CSPG4: variants seen among roughly 807,000 people sequenced by gnomAD.
CSPG4 encodes the protein chondroitin sulfate proteoglycan 4 (melanoma-associated).
A neutral mutation model predicts 139.3 loss-of-function variants in CSPG4; 74 were observed. That is an observed-to-expected ratio of 0.53 (90% confidence interval 0.44 to 0.64). The LOEUF is 0.64. CSPG4 is among the 30% of genes least tolerant of loss of function. The probability of loss-of-function intolerance (pLI) is 0.00; values close to 1 mark genes in which losing one functional copy is unlikely to be tolerated. For missense variants in CSPG4, 2,565 were observed against 3,148.3 expected (o/e 0.81, Z 4.43); for synonymous variants, 1,234 against 1,394.2 (o/e 0.89, Z 2.56).
chr15:75,708,570 C>A (rs1355214877), intron 1 of CSPG4, among the ~76,000 whole-genome samples: 1 of 152,132 alleles, frequency 6.6e-6, no homozygotes, highest in African/African-American at 2.4e-5. Context: ...CTCTCTCTTT[C>A]CCCTGCTGGG....
intron 5 of CSPG4, among the ~76,000 whole-genome samples, 154 bp from the exon 6 acceptor site, chr15:75,683,195 G>A (rs1032554571): frequency 1.3e-5 from 2 of 152,162 alleles, no homozygotes; most frequent in African/African-American, 2.4e-5. Flanking sequence ...TGCACAAAGG[G>A]CCTCCCGCAT....
chr15:75,701,782 C>T (rs918063415), intron 1 of CSPG4, among the ~76,000 whole-genome samples: 57 of 152,192 alleles, frequency 3.7e-4, no homozygotes, highest in African/African-American at 1.3e-3. Flanking sequence ...CCCAACCCCA[C>T]CCAAAGCAAG....
At chr15:75,704,688 C>A (rs970210959) in intron 1 of CSPG4, among the ~76,000 whole-genome samples, 2 of 152,162 alleles carry the variant, frequency 1.3e-5, no homozygotes, top group Admixed American at 6.5e-5. Flanking sequence ...GAGCTGTGCA[C>A]CCCACTCTGC....
chr15:75,682,455 G>C lies in CSPG4; in HGVS notation c.4788C>G (p.Ser1596=), dbSNP rs767985038. ...GGGTCTGACTGCTGAGTGGCTGGAC[G>C]GACCCTGCCAGAGGCAAAAGGGGAT... ...GSQTLTVCPG[S]VQPLSSQTLR... Residue 1596 remains serine, a synonymous_variant, in exon 8 of 10, where the codon TCC becomes TCG. Transcript: ENST00000308508. 2.0e-5 allele frequency: 31 copies of C among 1,579,300 alleles called. No individual in the cohort carries two copies. Among genetic ancestry groups the C allele is most frequent in the Non-Finnish European group, 2.7e-5 (31 of 1,168,478 alleles).
chr15:75,688,061 C>G lies in CSPG4; in HGVS notation c.3004G>C (p.Glu1002Gln). Residue 1002 changes from glutamate to glutamine, a missense_variant, in exon 3 of 10, where the codon GAG becomes CAG. By Grantham distance (29) the Glu-to-Gln change is conservative (BLOSUM62 2). Transcript: ENST00000308508. ...GESSGDMAWE[E>Q]VRGVFRVAIQ... ...GCCACTCGGAAGACACCCCGTACCT[C>G]CTCCCAGGCCATGTCACCACTGCTC... The G allele has an allele frequency of 1.2e-6, 2 of 1,612,732 alleles. No individual in the cohort carries two copies. The highest frequency in any genetic ancestry group is 2.2e-5 in the South Asian group (2 of 91,048).
chr15:75,690,478 A>C lies in CSPG4; in HGVS notation c.587T>G (p.Phe196Cys), dbSNP rs754000422. 1.2e-5 allele frequency: 20 copies of C among 1,607,716 alleles called. No homozygotes were observed. Among genetic ancestry groups the C allele is most frequent in the Non-Finnish European group, 1.6e-5 (19 of 1,177,602 alleles). Residue 196 changes from phenylalanine to cysteine, a missense_variant, in exon 3 of 10, where the codon TTT (phenylalanine) becomes TGT (cysteine). By Grantham distance (205) the Phe-to-Cys change is radical. Around this residue, in one of 5 missense-constraint regions of CSPG4, gnomAD observed 40 missense variants for 89.0 expected, o/e 0.45. Coordinates refer to ENST00000308508, the MANE Select transcript of CSPG4 (RefSeq NM_001897.5). Reference protein sequence around the residue: ...PDVHEGCAEEFSASDDVALGF... With the variant: ...PDVHEGCAEECSASDDVALGF... ...CAGGGCCACATCATCACTGGCAGAA[A>C]ACTCTTCAGCACAGCCCTCATGCAC...
Position 75,674,854 on chromosome 15 carries a change from C to A in CSPG4, c.*696G>T. On this transcript the variant is annotated 3_prime_UTR_variant, in exon 10 of 10. Transcript: ENST00000308508. Reference sequence around the variant, plus strand: ...TGCAGACCCTCCTCCATCCCACACCCCCAGGGGCTCCATCAGTCCTGGCTA... The same window carrying A: ...TGCAGACCCTCCTCCATCCCACACCACCAGGGGCTCCATCAGTCCTGGCTA... 2.5e-6 allele frequency: 1 copy of A among 398,736 alleles called. No homozygotes were observed. The highest frequency in any genetic ancestry group is 4.4e-6 in the Non-Finnish European group (1 of 226,144). 24.7% of individuals were successfully genotyped at this position (398,736 alleles called of 1,614,324 possible).
Position 75,676,400 on chromosome 15 carries a change from T to C in CSPG4, c.6119A>G (p.Asn2040Ser), listed in dbSNP as rs1893892674. 1 of 1,613,650 alleles carries C rather than the reference T, an allele frequency of 6.2e-7. No individual in the cohort carries two copies. The highest frequency in any genetic ancestry group is 8.5e-7 in the Non-Finnish European group (1 of 1,180,020). The change falls in exon 10 of 10, where the codon AAC (asparagine) becomes AGC (serine). Residue 2040 changes from asparagine (N) to serine (S), a missense_variant. Coordinates refer to ENST00000308508, the MANE Select transcript of CSPG4 (RefSeq NM_001897.5). ...ARGVNASAVVNVTVRALLHVW... is the reference protein window; with the variant it reads ...ARGVNASAVVSVTVRALLHVW... Reference sequence around the variant, plus strand: ...ATGCAGCAGAGCCCTCACAGTGACGTTCACTACGGCTGATGCATTGACACC... The same window carrying C: ...ATGCAGCAGAGCCCTCACAGTGACGCTCACTACGGCTGATGCATTGACACC...
chr15:75,678,939 A>G (rs1893931257), intron 8 of CSPG4: 1 of 367,150 alleles, frequency 2.7e-6, no homozygotes, highest in Non-Finnish European at 5.4e-6. Flanking sequence ...AGGCTCTGGG[A>G]TACTTCACTC....
In CSPG4 at chr15:75,693,203, A is replaced by G; in HGVS notation, c.119T>C (p.Val40Ala). The G allele has an allele frequency of 6.2e-7, 1 of 1,610,184 alleles. No homozygotes were observed. Among genetic ancestry groups the G allele is most frequent in the Non-Finnish European group, 8.5e-7 (1 of 1,179,006 alleles). ...GTCGGTCAGAGCCGTGGCCACAGGC[A>G]CCTCCAGGTGGTTCTCACCGAAGAA... ...ASFFGENHLE[V>A]PVATALTDID... The change falls in exon 2 of 10, where the codon GTG becomes GCG. Residue 40 changes from valine to alanine, a missense_variant. Coordinates refer to ENST00000308508, the MANE Select transcript of CSPG4 (RefSeq NM_001897.5).
chr15:75,705,543 C>T (rs1479889002), intron 1 of CSPG4, among the ~76,000 whole-genome samples: 1 of 152,210 alleles, frequency 6.6e-6, no homozygotes, highest in Admixed American at 6.5e-5. Context: ...TTATTTATCC[C>T]CATTTTAGAG....
chr15:75,675,734 G>T lies in CSPG4; in HGVS notation c.6785C>A (p.Ala2262Asp). Residue 2262 changes from alanine to aspartate, a missense_variant, in exon 10 of 10, where the codon GCC becomes GAC. By Grantham distance (126) the Ala-to-Asp change is moderately radical. Coordinates refer to ENST00000308508, the MANE Select transcript of CSPG4 (RefSeq NM_001897.5). ...ACCAGCCAGGCCGTTGCGGGGCTTG[G>T]CAGTCAGGACCTGGACGTCATGCTT... ...TGKHDVQVLT[A>D]KPRNGLAGDT... 6.2e-7 allele frequency: 1 copy of T among 1,600,704 alleles called. No homozygotes were observed.
intron 1 of CSPG4, among the ~76,000 whole-genome samples, chr15:75,700,002 C>T (rs1894280283): frequency 6.6e-6 from 1 of 152,166 alleles, no homozygotes; most frequent in African/African-American, 2.4e-5. Flanking sequence ...AGGACCCTCA[C>T]TTGGCACTGG....
chr15:75,686,099 C>T (rs776079413), intron 3 of CSPG4, among the ~76,000 whole-genome samples: 5 of 152,058 alleles, frequency 3.3e-5, no homozygotes, highest in Admixed American at 6.5e-5. Flanking sequence ...TGGGTTGCCC[C>T]GGCTGCTGGT....
At chr15:75,706,246 A>G (rs1250503464) in intron 1 of CSPG4, among the ~76,000 whole-genome samples, 1 of 152,212 alleles carries the variant, frequency 6.6e-6, no homozygotes, top group Non-Finnish European at 1.5e-5. Flanking sequence ...CTGTCTCCCC[A>G]GAGAGTGGAC....
chr15:75,682,846 T>C lies in CSPG4; in HGVS notation c.4645A>G (p.Arg1549Gly). 1 of 1,608,938 alleles carries C rather than the reference T, an allele frequency of 6.2e-7. No individual in the cohort carries two copies. The highest frequency in any genetic ancestry group is 1.1e-5 in the South Asian group (1 of 90,888). ...LDGGLVLFSH[R>G]GTLDGGFRFR... The stretch of plus-strand genomic sequence containing the variant: ...AGGCCCGGCCCTCAGCACCCACCTC[T>C]GTGTGAGAACAGCACGAGCCCGCCG... Residue 1549 changes from arginine (R) to glycine (G), a missense_variant, in exon 6 of 10, where the codon AGA (arginine) becomes GGA (glycine). This residue lies in a region of CSPG4 where 2,316 missense variants were observed against 2,818.2 expected (regional missense o/e 0.82). Coordinates refer to ENST00000308508, the MANE Select transcript of CSPG4 (RefSeq NM_001897.5).
At chr15:75,709,331 G>A (rs1054469157) in intron 1 of CSPG4, among the ~76,000 whole-genome samples, 2 of 152,168 alleles carry the variant, frequency 1.3e-5, no homozygotes, top group Admixed American at 6.5e-5. Context: ...GGAGGCAAGA[G>A]GAGAGCTGGA....
At chr15:75,677,571 C>T in intron 9 of CSPG4, 132 bp downstream of exon 9, 1 of 1,237,966 alleles carries the variant, frequency 8.1e-7, no homozygotes, top group Non-Finnish European at 1.1e-6. Flanking sequence ...AGCTTCCCCA[C>T]TCACCCTCCC....
chr15:75,676,195 C>G lies in CSPG4; in HGVS notation c.6324G>C (p.Gln2108His), dbSNP rs1240614170. The change falls in exon 10 of 10, where the codon CAG (glutamine) becomes CAC (histidine). Residue 2108 changes from glutamine to histidine, a missense_variant. Physicochemically the swap from Gln to His is conservative, Grantham distance 24 (BLOSUM62 0). This residue lies in a region of CSPG4 where 2,316 missense variants were observed against 2,818.2 expected (regional missense o/e 0.82). Transcript: ENST00000308508. The part of the protein sequence containing the change: ...PRARTEPGGS[Q>H]LVEQFTQQDL... Reference sequence around the variant, plus strand: ...CCTGCTGAGTGAACTGCTCCACCAGCTGGCTGCCCCCGGGCTCCGTCCTGG... The same window carrying G: ...CCTGCTGAGTGAACTGCTCCACCAGGTGGCTGCCCCCGGGCTCCGTCCTGG... The G allele has an allele frequency of 6.4e-7, 1 of 1,550,804 alleles. No individual in the cohort carries two copies. Among genetic ancestry groups the G allele is most frequent in the Non-Finnish European group, 8.7e-7 (1 of 1,155,008 alleles).
Sources: gnomAD v4.1 joint callset for allele counts (sites outside exome capture counted in the v4.1 genomes callset) on GRCh38, gnomAD v4.1.1 for gene constraint, gnomAD v4.1.1 regional missense constraint, MANE v1.5 for transcripts, NCBI Gene and HGNC (gene_info 2026-07-23, HGNC 2026-07-21) for gene names.